CNTN3: variants seen among roughly 807,000 people sequenced by gnomAD.
CNTN3 encodes the protein contactin-3.
In CNTN3, 60 loss-of-function variants were observed where a neutral mutation model predicts 119.1. The ratio of observed to expected loss-of-function variants is 0.50; its 90% CI spans 0.41 to 0.62. The LOEUF is 0.62. CNTN3 is among the 20% of genes least tolerant of loss of function. CNTN3 has a pLI of 0.00. For missense variants in CNTN3, 1,101 were observed against 1,242.4 expected, an observed-to-expected ratio of 0.89 and a Z score of 1.71; for synonymous variants, 450 against 438.7, an observed-to-expected ratio of 1.03 and a Z score of -0.32.
chr3:74,321,417 C>T (rs1702985931), intron 13 of CNTN3, among the ~76,000 whole-genome samples: 1 of 151,754 alleles, frequency 6.6e-6, no homozygotes, highest in Non-Finnish European at 1.5e-5. Context: ...AAAGCTACGC[C>T]TAGAGGAAAA....
At chr3:74,384,428 G>C (rs1384137243) in intron 5 of CNTN3, among the ~76,000 whole-genome samples, 2 of 152,318 alleles carry the variant, frequency 1.3e-5, no homozygotes, top group East Asian at 3.9e-4. Flanking sequence ...TGCAGTAAAA[G>C]AGCATTAGAT....
chr3:74,534,795 G>A (rs567271419), intron 1 of CNTN3, among the ~76,000 whole-genome samples: 93 of 152,088 alleles, frequency 6.1e-4, no homozygotes, highest in South Asian at 3.7e-3. Context: ...CGAGTTATTA[G>A]ATTGGTGCAA....
At chr3:74,354,894 G>A (rs1287425261) in intron 11 of CNTN3, among the ~76,000 whole-genome samples, 3 of 152,048 alleles carry the variant, frequency 2.0e-5, no homozygotes, top group South Asian at 2.1e-4. Flanking sequence ...TTGTATGTAC[G>A]AGAGTTTCAG....
At chr3:74,273,794 G>T (rs1438429331) in intron 20 of CNTN3, among the ~76,000 whole-genome samples, 1 of 152,168 alleles carries the variant, frequency 6.6e-6, no homozygotes, top group African/African-American at 2.4e-5. Flanking sequence ...ATTTTAACTG[G>T]TTGAGAAGCT....
intron 5 of CNTN3, among the ~76,000 whole-genome samples, 188 bp from the exon 6 acceptor site, chr3:74,371,587 C>T (rs891973231): frequency 1.3e-5 from 2 of 151,990 alleles, no homozygotes. Context: ...TAGAGGACAC[C>T]GTTGATTAGC....
chr3:74,407,694 T>C (rs931844063), intron 5 of CNTN3, among the ~76,000 whole-genome samples: 2 of 151,994 alleles, frequency 1.3e-5, no homozygotes, highest in African/African-American at 4.8e-5. Context: ...GTGAGTACAG[T>C]GACAGATGCA....
At chr3:74,534,288 T>C (rs1183442185) in intron 1 of CNTN3, among the ~76,000 whole-genome samples, 1 of 152,014 alleles carries the variant, frequency 6.6e-6, no homozygotes, top group East Asian at 1.9e-4. Flanking sequence ...AAAAAATCAA[T>C]ATTAATATTT....
At chr3:74,372,474 A>G (rs1704365613) in intron 5 of CNTN3, among the ~76,000 whole-genome samples, 2 of 152,056 alleles carry the variant, frequency 1.3e-5, no homozygotes, top group African/African-American at 4.8e-5. Context: ...GTTGAGATTT[A>G]AGCACGGTTA....
intron 1 of CNTN3, among the ~76,000 whole-genome samples, chr3:74,572,995 G>A (rs998698463): frequency 6.6e-6 from 1 of 152,216 alleles, no homozygotes; most frequent in Admixed American, 6.5e-5. Context: ...GGTGGGGAGT[G>A]TGGATGTTCA....
intron 5 of CNTN3, among the ~76,000 whole-genome samples, chr3:74,391,712 G>A (rs369746917): frequency 6.6e-6 from 1 of 151,580 alleles, no homozygotes. Context: ...GACTACATTC[G>A]TGTGCCACCA....
chr3:74,309,255 C>T (rs540372801), intron 13 of CNTN3, among the ~76,000 whole-genome samples: 2 of 152,112 alleles, frequency 1.3e-5, no homozygotes, highest in African/African-American at 4.8e-5. Flanking sequence ...CAGGCATGTG[C>T]CACCATGCCC....
At chr3:74,597,713 G>GTA (rs1704836260) in intron 1 of CNTN3, among the ~76,000 whole-genome samples, 1 of 151,968 alleles carries the variant, frequency 6.6e-6, no homozygotes, top group Admixed American at 6.6e-5. Context: ...AATGTTAAAA[G>GTA]CCGTCTTTGC....
intron 1 of CNTN3, among the ~76,000 whole-genome samples, chr3:74,535,814 G>A (rs1002569659): frequency 1.3e-5 from 2 of 151,926 alleles, no homozygotes; most frequent in Admixed American, 6.6e-5. Flanking sequence ...TTTTGAAGTC[G>A]AAAATCACAA....
At chr3:74,269,785 T>C (rs1349580253) in intron 20 of CNTN3, among the ~76,000 whole-genome samples, 3 of 152,154 alleles carry the variant, frequency 2.0e-5, no homozygotes, top group Admixed American at 6.6e-5. Flanking sequence ...TTTATAATTC[T>C]ACTTATTTGA....
chr3:74,605,736 C>T (rs1435885374), intron 1 of CNTN3, among the ~76,000 whole-genome samples: 2 of 152,132 alleles, frequency 1.3e-5, no homozygotes, highest in East Asian at 1.9e-4. Flanking sequence ...ACAGGGCAGA[C>T]TCAGTGTGCA....
Position 74,296,275 on chromosome 3 carries a change from G to A in CNTN3, c.2402-1039C>T, listed in dbSNP as rs9879547. Among the ~76,000 whole-genome samples the A allele has an allele frequency of 1.7e-3, 263 of 152,230 alleles. 2 individuals carry two copies. The highest frequency in any genetic ancestry group is 6.8e-3 in the Middle Eastern group (2 of 292). ...TAAGAGGAGAAGAAAAATGAGGGAGGCAACAATGCGTAAGAGGCTGTGGCT... is the reference window on the plus strand; with the variant it reads ...TAAGAGGAGAAGAAAAATGAGGGAGACAACAATGCGTAAGAGGCTGTGGCT... On this transcript the variant is annotated intron_variant, in intron 18 of 22. Coordinates refer to ENST00000263665, the MANE Select transcript of CNTN3 (RefSeq NM_020872.3).
intron 19 of CNTN3, among the ~76,000 whole-genome samples, chr3:74,288,816 C>T (rs542399483): frequency 8.5e-5 from 13 of 152,294 alleles, no homozygotes; most frequent in African/African-American, 3.1e-4. Flanking sequence ...TGCCTCTCTT[C>T]ATCATGTCTG....
At chr3:74,573,101 A>G (rs953349098) in intron 1 of CNTN3, among the ~76,000 whole-genome samples, 5 of 152,290 alleles carry the variant, frequency 3.3e-5, no homozygotes, top group Admixed American at 3.3e-4. Context: ...TGCAGCCCAG[A>G]GCTGCATGCT....
intron 4 of CNTN3, among the ~76,000 whole-genome samples, chr3:74,469,370 T>C (rs1233883933): frequency 2.0e-5 from 3 of 152,126 alleles, no homozygotes; most frequent in Admixed American, 2.0e-4. Context: ...AAAAAATTCC[T>C]AACAACTGAC....
Sources: allele counts gnomAD v4.1 joint callset (sites outside exome capture counted in the v4.1 genomes callset), GRCh38; gene constraint gnomAD v4.1.1; transcripts MANE v1.5; gene names NCBI Gene and HGNC (gene_info 2026-07-23, HGNC 2026-07-21).